ITGAE: variants seen among roughly 807,000 people sequenced by gnomAD.
ITGAE encodes integrin alpha-E.
Under a neutral mutation model 136.5 loss-of-function variants are expected in ITGAE, and 99 were observed. The observed-to-expected ratio is 0.73, with a 90% CI of 0.62 to 0.86. The LOEUF (loss-of-function observed/expected upper bound fraction) is 0.86, where lower values mean the gene tolerates loss of function less well. Ranked by LOEUF, ITGAE falls within the 40% of genes least tolerant of loss-of-function variation. ITGAE has a pLI of 0.00. For synonymous variants in ITGAE, 613 were observed against 591.8 expected (o/e 1.04, Z -0.52); for missense variants, 1,447 against 1,515.3 (o/e 0.95, Z 0.75).
At chr17:3,733,538 A>G (rs2051393949) in intron 21 of ITGAE, among the ~76,000 whole-genome samples, 1 of 152,152 alleles carries the variant, frequency 6.6e-6, no homozygotes, top group Middle Eastern at 3.2e-3. Context: ...CTCGTGCCTC[A>G]GCCTCCCGAG....
rs144357698 is a variant in ITGAE, at chr17:3,761,081, C to T, written c.530G>A (p.Arg177His). 36 of 1,611,470 alleles carry T rather than the reference C, an allele frequency of 2.2e-5. No homozygotes were observed. The highest frequency in any genetic ancestry group is 4.0e-5 in the African/African-American group (3 of 74,868). The change falls in exon 6 of 31, where the codon CGC (arginine) becomes CAC (histidine). Residue 177 changes from arginine to histidine, a missense_variant. Physicochemically the swap from Arg to His is conservative, Grantham distance 29 (BLOSUM62 0). Transcript: ENST00000263087. The part of the protein sequence containing the change: ...GEDDVNTARQ[R>H]RALEKEEEED... ...CTCCTCCTCCTTCTCCAGAGCCCGG[C>T]GCTGCCTGGCTGTGTTCACATCGTC...
rs752451003 is a variant in ITGAE, at chr17:3,751,870, C to T, written c.1673G>A (p.Gly558Asp). Residue 558 changes from glycine (G) to aspartate (D), a missense_variant, in exon 15 of 31, where the codon GGT becomes GAT. Gly to Asp is a moderately conservative substitution (Grantham distance 94). Around this residue, in one of 3 missense-constraint regions of ITGAE, gnomAD observed 1,031 missense variants for 1,011.4 expected, o/e 1.02. Coordinates refer to ENST00000263087, the MANE Select transcript of ITGAE (RefSeq NM_002208.5). Reference protein sequence around the residue: ...VYVYRLSEQDGSFSLARILSG... With the variant: ...VYVYRLSEQDDSFSLARILSG... ...CAGTATGCGTGCCAAGGAGAAAGAA[C>T]CATCCTGTAAAGCAAACAAACAGCT... is the stretch of plus-strand genomic sequence containing the variant. 1.2e-6 allele frequency: 2 copies of T among 1,613,660 alleles called. No homozygotes were observed. The highest frequency in any genetic ancestry group is 3.3e-5 in the Admixed American group (2 of 60,002).
In ITGAE at chr17:3,745,856, A is replaced by G; in HGVS notation, c.2227T>C (p.Ser743Pro). ...CAGCCCAGACAGCTTCTTACGTCTGAACACTGCAGCCGTCTCCTCTGCTTC... is the reference window on the plus strand; with the variant it reads ...CAGCCCAGACAGCTTCTTACGTCTGGACACTGCAGCCGTCTCCTCTGCTTC... Reference protein sequence around the residue: ...VGKQRRRLQCSDVRSCLGCLR... With the variant: ...VGKQRRRLQCPDVRSCLGCLR... Residue 743 changes from serine to proline, a missense_variant, in exon 18 of 31, where the codon TCA (serine) becomes CCA (proline). Physicochemically the swap from Ser to Pro is moderately conservative, Grantham distance 74. This residue lies in a region of ITGAE where 1,031 missense variants were observed against 1,011.4 expected (regional missense o/e 1.02). Transcript: ENST00000263087. The G allele has an allele frequency of 6.2e-7, 1 of 1,614,076 alleles. No homozygotes were observed. The highest frequency in any genetic ancestry group is 8.5e-7 in the Non-Finnish European group (1 of 1,180,004).
intron 1 of ITGAE, among the ~76,000 whole-genome samples, chr17:3,779,884 GAGA>G (rs1237166122): frequency 6.6e-6 from 1 of 152,162 alleles, no homozygotes; most frequent in East Asian, 1.9e-4. Flanking sequence ...GACAGCATGG[GAGA>G]AGGTTTATCT....
intron 18 of ITGAE, 143 bp downstream of exon 18, chr17:3,745,621 C>T (rs1370833829): frequency 1.1e-5 from 9 of 808,784 alleles, no homozygotes; most frequent in African/African-American, 5.3e-5. Context: ...GGATGACAGG[C>T]GTGAGCCACC....
chr17:3,724,643 A>G (rs1225557685), intron 26 of ITGAE: 1 of 1,614,186 alleles, frequency 6.2e-7, no homozygotes, highest in Non-Finnish European at 8.5e-7. Flanking sequence ...TGGTCCACCA[A>G]ACCCGCGCCA....
At chr17:3,743,920 C>T (rs1351255327) in intron 18 of ITGAE, among the ~76,000 whole-genome samples, 1 of 151,470 alleles carries the variant, frequency 6.6e-6, no homozygotes, top group East Asian at 1.9e-4. Flanking sequence ...TCAGGCTGGT[C>T]TCGAACTCCT....
rs2053192997 is a variant in ITGAE, at chr17:3,799,277, C to T, written c.34+1834G>A. Among the ~76,000 whole-genome samples the T allele has an allele frequency of 6.6e-6, 1 of 152,194 alleles. No homozygotes were observed. Among genetic ancestry groups the T allele is most frequent in the South Asian group, 2.1e-4 (1 of 4,818 alleles). The stretch of plus-strand genomic sequence containing the variant: ...AGAACTGCAGCAGCCTCGTTTCCGC[C>T]ACCCACACCGGAGCTGCGGGGGCCC... On this transcript the variant is annotated intron_variant, in intron 1 of 30. Transcript: ENST00000263087. The surrounding 1 kb of genome is among the most constrained non-coding windows in gnomAD (Gnocchi z 4.1).
intron 1 of ITGAE, among the ~76,000 whole-genome samples, chr17:3,787,690 CTTT>C (rs373882120): frequency 1.4e-5 from 2 of 140,350 alleles, no homozygotes; most frequent in African/African-American, 2.6e-5. Context: ...ATGGTTTTCT[CTTT>C]TTTTTTTTTT....
At chr17:3,772,201 C>T (rs997971389) in intron 2 of ITGAE, among the ~76,000 whole-genome samples, 1 of 152,162 alleles carries the variant, frequency 6.6e-6, no homozygotes, top group South Asian at 2.1e-4. Context: ...CTGATGAACA[C>T]ACCTGCCTCG....
chr17:3,723,179 G>C lies in ITGAE; in HGVS notation c.3237+109C>G, dbSNP rs138225604. 4.3e-3 allele frequency: 3,443 copies of C among 799,390 alleles called. 10 individuals are homozygous for C. The highest frequency in any genetic ancestry group is 0.01 in the Middle Eastern group (39 of 3,766). 49.5% of individuals were successfully genotyped at this position (799,390 alleles called of 1,614,324 possible). On this transcript the variant is annotated intron_variant, in intron 28 of 30. Coordinates refer to ENST00000263087, the MANE Select transcript of ITGAE (RefSeq NM_002208.5). ...AGAGGGTTGGTTTTTTGCACCAAAAGATCTATTTTGGACATGGACATGTTA... is the reference window on the plus strand; with the variant it reads ...AGAGGGTTGGTTTTTTGCACCAAAACATCTATTTTGGACATGGACATGTTA...
chr17:3,767,455 T>C (rs1476424269), intron 2 of ITGAE, among the ~76,000 whole-genome samples: 2 of 151,916 alleles, frequency 1.3e-5, no homozygotes, highest in Non-Finnish European at 2.9e-5. Context: ...CTGGTCTTGA[T>C]ATCCTGACCT....
At chr17:3,764,945 G>A (rs1041512870) in intron 2 of ITGAE, among the ~76,000 whole-genome samples, 3 of 152,192 alleles carry the variant, frequency 2.0e-5, no homozygotes, top group Non-Finnish European at 2.9e-5. Context: ...GGGAGGGGAC[G>A]AGGGGCTTGG....
At position 3,766,536 on chromosome 17, in the gene ITGAE, T is replaced by C. The variant is rs1006792637; in HGVS notation, c.156-2576A>G. 2.6e-5 allele frequency among the ~76,000 whole-genome samples: 4 copies of C among 152,264 alleles called. No homozygotes were observed. In the East Asian group the frequency reaches 7.7e-4, roughly 29 times the overall value. ...TAAACTTGCAGCTGGGCTCAGTGTC[T>C]CACACCTGTCATCCCAGCACTTTGG... On this transcript the variant is annotated intron_variant, in intron 2 of 30. Transcript: ENST00000263087.
At chr17:3,783,109 T>C (rs537332629) in intron 1 of ITGAE, among the ~76,000 whole-genome samples, 1 of 152,254 alleles carries the variant, frequency 6.6e-6, no homozygotes, top group African/African-American at 2.4e-5. Flanking sequence ...GCCCTCAAGG[T>C]GTTTCTCTGT....
chr17:3,786,812 C>G (rs900619780), intron 1 of ITGAE, among the ~76,000 whole-genome samples: 3 of 150,834 alleles, frequency 2.0e-5, no homozygotes, highest in Admixed American at 6.6e-5. Context: ...ATCACTTGAA[C>G]CCGGGAGGCG....
chr17:3,770,760 C>T (rs1359131703), intron 2 of ITGAE, among the ~76,000 whole-genome samples: 3 of 152,144 alleles, frequency 2.0e-5, no homozygotes, highest in East Asian at 1.9e-4. Flanking sequence ...CAGGGAGCCC[C>T]GCTGGGCCCT....
At chr17:3,756,374 A>T (rs930398854) in intron 10 of ITGAE, among the ~76,000 whole-genome samples, 7 of 149,018 alleles carry the variant, frequency 4.7e-5, no homozygotes, top group Admixed American at 4.0e-4. Flanking sequence ...CTGGGAATAG[A>T]GGTCATGCGC....
chr17:3,735,661 G>A lies in ITGAE; in HGVS notation c.2523-712C>T, dbSNP rs547244321. Among the ~76,000 whole-genome samples, 6 of 152,284 alleles carry A rather than the reference G, an allele frequency of 3.9e-5. No homozygotes were observed. The East Asian group carries it at 9.6e-4, about 24-fold the overall frequency. On this transcript the variant is annotated intron_variant, in intron 20 of 30. Coordinates refer to ENST00000263087, the MANE Select transcript of ITGAE (RefSeq NM_002208.5). ...CTTAGATAAGTTGCCTAAGGAATAC[G>A]TTTAGCTTAGACATTCTTCCTCTCA...
Sources: allele counts gnomAD v4.1 joint callset (sites outside exome capture counted in the v4.1 genomes callset), GRCh38; gene constraint gnomAD v4.1.1; regional missense constraint gnomAD v4.1.1; non-coding constraint Gnocchi (gnomAD v3.1); transcripts MANE v1.5; gene names NCBI Gene and HGNC (gene_info 2026-07-23, HGNC 2026-07-21).